The following WDR5 variants were observed in gnomAD, a reference collection of about 807,000 sequenced individuals.
WDR5 encodes the protein WD repeat-containing protein 5.
For missense variants in WDR5, 187 were observed against 416.9 expected, an observed-to-expected ratio of 0.45 and a Z score of 4.80; for synonymous variants, 144 against 161.6, an observed-to-expected ratio of 0.89 and a Z score of 0.83.
intron 7 of WDR5, among the ~76,000 whole-genome samples, chr9:134,145,897 T>C (rs1246450638): frequency 6.6e-6 from 1 of 152,058 alleles, no homozygotes; most frequent in East Asian, 1.9e-4. Context: ...TGCCATCCCC[T>C]GCTGGGTTCT....
chr9:134,142,057 TTC>T lies in WDR5; in HGVS notation c.354+24_354+25del. The stretch of plus-strand genomic sequence containing the variant: ...GAGCTCGGTAAGTGACACTCAGTGC[TTC>T]TCTCCAGGGGAGACCGGCTGCAGGG... On this transcript the variant is annotated intron_variant, in intron 5 of 13. Coordinates refer to ENST00000358625, the MANE Select transcript of WDR5 (RefSeq NM_017588.3). 1 of 1,611,970 alleles carries T rather than the reference TTC, an allele frequency of 6.2e-7. No individual in the cohort carries two copies. The highest frequency in any genetic ancestry group is 8.5e-7 in the Non-Finnish European group (1 of 1,178,336).
At chr9:134,150,360 T>C (rs952060476) in intron 8 of WDR5, among the ~76,000 whole-genome samples, 2 of 152,342 alleles carry the variant, frequency 1.3e-5, no homozygotes, top group East Asian at 1.9e-4. Flanking sequence ...TATTAATTAG[T>C]AGGGGTCAAA....
At chr9:134,156,840 T>C (rs1832767327) in intron 13 of WDR5, among the ~76,000 whole-genome samples, 1 of 152,208 alleles carries the variant, frequency 6.6e-6, no homozygotes, top group Non-Finnish European at 1.5e-5. Flanking sequence ...GGCATGCTGG[T>C]CCGGAAGGTG....
chr9:134,152,153 C>T, intron 9 of WDR5, 124 bp downstream of exon 9: 1 of 1,143,402 alleles, frequency 8.7e-7, no homozygotes, highest in Non-Finnish European at 1.2e-6. Context: ...GCAGGAGGAA[C>T]CTTCCTCCGT....
chr9:134,142,290 G>A, intron 5 of WDR5, 43 bp from the exon 6 acceptor site: 2 of 1,586,626 alleles, frequency 1.3e-6, no homozygotes, highest in Non-Finnish European at 1.7e-6. Context: ...CTTACGTTTG[G>A]GGAAATAAGC....
At chr9:134,146,426 A>G (rs548530370) in intron 7 of WDR5, among the ~76,000 whole-genome samples, 34 of 152,148 alleles carry the variant, frequency 2.2e-4, no homozygotes, top group Admixed American at 1.6e-3. Flanking sequence ...TGTAGAGACA[A>G]GGTTTCACCA....
chr9:134,146,342 C>T (rs1401612646), intron 7 of WDR5, among the ~76,000 whole-genome samples: 1 of 151,948 alleles, frequency 6.6e-6, no homozygotes, highest in Non-Finnish European at 1.5e-5. Context: ...TAAAGTGATT[C>T]TCCTGCCTCA....
intron 7 of WDR5, among the ~76,000 whole-genome samples, chr9:134,145,071 A>G (rs969044721): frequency 7.3e-6 from 1 of 137,058 alleles, no homozygotes; most frequent in Non-Finnish European, 1.6e-5. Context: ...AGCTGTCTCC[A>G]CTGCAGAGAG....
At chr9:134,139,707 T>C (rs972978787) in intron 1 of WDR5, 113 bp from the exon 2 acceptor site, 3 of 679,522 alleles carry the variant, frequency 4.4e-6, no homozygotes, top group Non-Finnish European at 7.4e-6. Flanking sequence ...GTTTGTTTGC[T>C]ACAGGGCTCA....
chr9:134,157,824 C>T lies in WDR5; in HGVS notation c.905-69C>T. 3 of 1,475,608 alleles carry T rather than the reference C, an allele frequency of 2.0e-6. No individual in the cohort carries two copies. Among genetic ancestry groups the T allele is most frequent in the Non-Finnish European group, 1.9e-6 (2 of 1,058,930 alleles). 91.4% of individuals were successfully genotyped at this position (1,475,608 alleles called of 1,614,324 possible). A position where few individuals can be genotyped will look rare whatever the true frequency, so the allele number is the denominator to read the frequency against. ...CGCGTTTCTGGAGAAAGGTGGAGCT[C>T]AGTCTGGGATGGCGTCCCCGACCCA... On this transcript the variant is annotated intron_variant, in intron 13 of 13. Coordinates refer to ENST00000358625, the MANE Select transcript of WDR5 (RefSeq NM_017588.3). The surrounding 1 kb of genome is among the most constrained non-coding windows in gnomAD (Gnocchi z 5.0).
At chr9:134,155,503 G>A (rs778895879) in intron 11 of WDR5, 130 bp downstream of exon 11, 68 of 1,362,610 alleles carry the variant, frequency 5.0e-5, no homozygotes, top group Non-Finnish European at 6.2e-5. Flanking sequence ...GGTTTGGTGC[G>A]AATTCCTGAA....
At chr9:134,155,818 G>C in intron 12 of WDR5, 51 bp downstream of exon 12, 1 of 1,556,058 alleles carries the variant, frequency 6.4e-7, no homozygotes, top group African/African-American at 1.4e-5. Flanking sequence ...TTACTCTCCC[G>C]AGAGGTCACA....
chr9:134,142,772 A>G lies in WDR5; in HGVS notation c.528+53A>G, dbSNP rs373104670. On this transcript the variant is annotated intron_variant, in intron 7 of 13. Coordinates refer to ENST00000358625, the MANE Select transcript of WDR5 (RefSeq NM_017588.3). ...GTGTCCAGCACTACGTTTCTCTGAC[A>G]TCGGATGTGGCCAGCTGTCTCCCTG... is the stretch of plus-strand genomic sequence containing the variant. 2.5e-6 allele frequency: 4 copies of G among 1,580,224 alleles called. No homozygotes were observed. In the South Asian group the frequency reaches 4.4e-5, roughly 17 times the overall value.
chr9:134,143,674 C>T (rs1026976508), intron 7 of WDR5, among the ~76,000 whole-genome samples: 1 of 151,836 alleles, frequency 6.6e-6, no homozygotes, highest in African/African-American at 2.4e-5. Context: ...ACTACAGGCG[C>T]CCACCACCAT....
At chr9:134,144,138 T>A (rs1193168785) in intron 7 of WDR5, among the ~76,000 whole-genome samples, 1 of 152,232 alleles carries the variant, frequency 6.6e-6, no homozygotes, top group Non-Finnish European at 1.5e-5. Flanking sequence ...GGACGGACAG[T>A]GTGTCAGGCC....
chr9:134,142,849 C>A, intron 7 of WDR5, 130 bp downstream of exon 7: 3 of 919,450 alleles, frequency 3.3e-6, no homozygotes, highest in Admixed American at 2.0e-5. Context: ...TGCTGTCATG[C>A]CACAGTCTAG....
At chr9:134,137,229 G>A (rs1244286459) in intron 1 of WDR5, among the ~76,000 whole-genome samples, 1 of 152,166 alleles carries the variant, frequency 6.6e-6, no homozygotes, top group African/African-American at 2.4e-5. Context: ...TGGATGAAAA[G>A]CAGTGGCTGC....
At chr9:134,143,051 C>T (rs1370157398) in intron 7 of WDR5, among the ~76,000 whole-genome samples, 1 of 144,990 alleles carries the variant, frequency 6.9e-6, no homozygotes, top group East Asian at 2.2e-4. Context: ...ACAGGAAGGG[C>T]GGCCAGGCTG....
intron 9 of WDR5, among the ~76,000 whole-genome samples, chr9:134,153,639 G>A (rs1832604040): frequency 1.3e-5 from 2 of 152,214 alleles, no homozygotes; most frequent in South Asian, 2.1e-4. Flanking sequence ...CTGAGGGAGC[G>A]GAGACGCCAG....
Sources: allele counts gnomAD v4.1 joint callset (sites outside exome capture counted in the v4.1 genomes callset), GRCh38; gene constraint gnomAD v4.1.1; non-coding constraint Gnocchi (gnomAD v3.1); transcripts MANE v1.5; gene names NCBI Gene and HGNC (gene_info 2026-07-23, HGNC 2026-07-21).